Variants in SLC37A2 observed in about 807,000 individuals in gnomAD.
SLC37A2 encodes the protein solute carrier family 37 member 2, also known as glucose-6-phosphate exchanger SLC37A2.
A neutral mutation model predicts 70.7 loss-of-function variants in SLC37A2; 59 were observed. The observed-to-expected ratio is 0.83, with a 90% CI of 0.68 to 1.04. The LOEUF (loss-of-function observed/expected upper bound fraction) is 1.04. Among genes scored for constraint, SLC37A2 ranks in the 50% least tolerant of loss-of-function variants. SLC37A2 has a pLI of 0.00. For synonymous variants in SLC37A2, 257 were observed against 262.1 expected, an observed-to-expected ratio of 0.98 and a Z score of 0.19; for missense variants, 580 against 658.1, an observed-to-expected ratio of 0.88 and a Z score of 1.30.
intron 12 of SLC37A2, 40 bp downstream of exon 12, chr11:125,084,359 G>A (rs769699270): frequency 3.2e-5 from 51 of 1,602,682 alleles, no homozygotes; most frequent in Middle Eastern, 1.7e-4. Flanking sequence ...ATGCATGTGA[G>A]CAGGAGCCTG....
At chr11:125,065,667 G>A (rs114250605) in intron 1 of SLC37A2, among the ~76,000 whole-genome samples, 4,304 of 152,154 alleles carry the variant, frequency 0.028, 202 homozygotes, top group African/African-American at 0.098. Flanking sequence ...GAGGCTGGTT[G>A]TATCTGATTA....
chr11:125,071,194 C>G (rs1949026214), intron 1 of SLC37A2, among the ~76,000 whole-genome samples: 1 of 152,130 alleles, frequency 6.6e-6, no homozygotes, highest in African/African-American at 2.4e-5. Context: ...GGTCTTGTCC[C>G]CTGGACGCTT....
intron 1 of SLC37A2, among the ~76,000 whole-genome samples, chr11:125,065,521 A>C (rs916716608): frequency 1.3e-5 from 2 of 152,208 alleles, no homozygotes; most frequent in African/African-American, 4.8e-5. Flanking sequence ...CAGGGTCCCC[A>C]TAATATCCTA....
chr11:125,086,302 G>A, intron 17 of SLC37A2: 3 of 1,423,944 alleles, frequency 2.1e-6, no homozygotes, highest in Non-Finnish European at 3.0e-6. Flanking sequence ...TGCCATTTGA[G>A]TGGGGGCTGC....
chr11:125,084,322 G>A lies in SLC37A2; in HGVS notation c.1125+3G>A. ...TGCTCATCTTGGCTGCCCCCATGGT[G>A]CGTATAACCCCGAGGGTGAAGTGCG... On this transcript the variant is annotated splice_donor_region_variant and intron_variant, in intron 12 of 17. Coordinates refer to ENST00000403796, the MANE Select transcript of SLC37A2 (RefSeq NM_001145290.2). 1 of 1,614,216 alleles carries A rather than the reference G, an allele frequency of 6.2e-7. No homozygotes were observed. The highest frequency in any genetic ancestry group is 8.5e-7 in the Non-Finnish European group (1 of 1,180,016).
rs1434665648 is a variant in SLC37A2, at chr11:125,085,415, G to A, written c.1269G>A (p.Lys423=). 7 of 1,613,920 alleles carry A rather than the reference G, an allele frequency of 4.3e-6. No homozygotes were observed. In the Admixed American group the frequency reaches 5.0e-5, roughly 12 times the overall value. The part of the protein sequence containing the change: ...SADLGTHKSL[K]GNAKALSTVT... The stretch of plus-strand genomic sequence containing the variant: ...TCCAGGGGACTCACAAGAGCCTGAA[G>A]GGCAACGCCAAAGCCCTGTCCACGG... Residue 423 remains lysine, a synonymous_variant, in exon 15 of 18, where the codon AAG becomes AAA. Coordinates refer to ENST00000403796, the MANE Select transcript of SLC37A2 (RefSeq NM_001145290.2).
chr11:125,064,894 T>C (rs891912760), intron 1 of SLC37A2, among the ~76,000 whole-genome samples: 6 of 152,210 alleles, frequency 3.9e-5, no homozygotes, highest in Admixed American at 3.3e-4. Flanking sequence ...AATGTGAACA[T>C]ACTTAATGCC....
In SLC37A2 at chr11:125,083,608, G is replaced by C. The variant is rs1949172422; in HGVS notation, c.977-207G>C. On this transcript the variant is annotated intron_variant, in intron 10 of 17. Coordinates refer to ENST00000403796, the MANE Select transcript of SLC37A2 (RefSeq NM_001145290.2). The surrounding 1 kb of genome is among the most constrained non-coding windows in gnomAD (Gnocchi z 4.6). ...GAAGGTCATCCTGCAGGGGAAGAGG[G>C]CAACACAGGACGGGACCAAGAGGGC... 6.6e-6 allele frequency among the ~76,000 whole-genome samples: 1 copy of C among 152,132 alleles called. No homozygotes were observed. Among genetic ancestry groups the C allele is most frequent in the Non-Finnish European group, 1.5e-5 (1 of 68,010 alleles).
At chr11:125,078,483 A>G (rs1949113366) in intron 4 of SLC37A2, among the ~76,000 whole-genome samples, 1 of 152,112 alleles carries the variant, frequency 6.6e-6, no homozygotes, top group African/African-American at 2.4e-5. Context: ...GAAAGAGGCT[A>G]TGTACTGGAG....
At chr11:125,069,591 C>A (rs974306422) in intron 1 of SLC37A2, among the ~76,000 whole-genome samples, 1 of 152,202 alleles carries the variant, frequency 6.6e-6, no homozygotes, top group Non-Finnish European at 1.5e-5. Context: ...AGAAGGAAGT[C>A]TTTGACTTGG....
rs369566391 is a variant in SLC37A2, at chr11:125,081,365, C to T, written c.695-56C>T. 42 of 1,334,224 alleles carry T rather than the reference C, an allele frequency of 3.1e-5. No individual in the cohort carries two copies. In the African/African-American group the frequency reaches 5.1e-4, roughly 16 times the overall value. The allele number at this position is 1,334,224 out of a possible 1,614,324, so 82.6% of individuals were successfully genotyped here. A position where few individuals can be genotyped will look rare whatever the true frequency, so the allele number is the denominator to read the frequency against. ...CAAGGTGAGGGCCTGGCAATCACCT[C>T]GGGATTGGGGGGGCGGGGGTTGGGA... is the stretch of plus-strand genomic sequence containing the variant. On this transcript the variant is annotated intron_variant, in intron 7 of 17. Transcript: ENST00000403796.
At chr11:125,073,636 C>T (rs1035443238) in intron 1 of SLC37A2, among the ~76,000 whole-genome samples, 5 of 152,248 alleles carry the variant, frequency 3.3e-5, no homozygotes, top group Admixed American at 2.0e-4. Flanking sequence ...AGGTGATAGA[C>T]TCTGCTTTTC....
chr11:125,076,576 T>C (rs1168250554), intron 1 of SLC37A2, among the ~76,000 whole-genome samples, 181 bp from the exon 2 acceptor site: 1 of 152,178 alleles, frequency 6.6e-6, no homozygotes, highest in Non-Finnish European at 1.5e-5. Flanking sequence ...CAGGTCCCTC[T>C]GAGCACCCTG....
At position 125,081,811 on chromosome 11, in the gene SLC37A2, A is replaced by C. The variant is rs749703406; in HGVS notation, c.790A>C (p.Ile264Leu). ...GGACCCTGGGAACAGTCCCTGCTCT[A>C]TCAGGGAGAGCGGCCTTGAGACTGT... ...PEDPGNSPCSIRESGLETVAK... is the reference protein window; with the variant it reads ...PEDPGNSPCSLRESGLETVAK... The change falls in exon 9 of 18, where the codon ATC (isoleucine) becomes CTC (leucine). Residue 264 changes from isoleucine (I) to leucine (L), a missense_variant. Coordinates refer to ENST00000403796, the MANE Select transcript of SLC37A2 (RefSeq NM_001145290.2). 1.4e-5 allele frequency: 23 copies of C among 1,613,992 alleles called. No individual in the cohort carries two copies. The highest frequency in any genetic ancestry group is 1.9e-5 in the Non-Finnish European group (22 of 1,179,894).
In SLC37A2 at chr11:125,078,899, C is replaced by T. The variant is rs118138358; in HGVS notation, c.315-213C>T. Among the ~76,000 whole-genome samples, 906 of 151,654 alleles carry T rather than the reference C, an allele frequency of 6.0e-3. 17 individuals carry two copies. The highest frequency in any genetic ancestry group is 0.033 in the East Asian group (171 of 5,118). Reference sequence around the variant, plus strand: ...CGCACGACACGAGGGGCCGGCCAAGCGGAGGAAGATGGGAAAGCTAAATTC... The same window carrying T: ...CGCACGACACGAGGGGCCGGCCAAGTGGAGGAAGATGGGAAAGCTAAATTC... On this transcript the variant is annotated intron_variant, in intron 4 of 17. Coordinates refer to ENST00000403796, the MANE Select transcript of SLC37A2 (RefSeq NM_001145290.2).
chr11:125,076,828 G>C lies in SLC37A2; in HGVS notation c.131G>C (p.Ser44Thr), dbSNP rs779180483. 4 of 1,614,146 alleles carry C rather than the reference G, an allele frequency of 2.5e-6. No homozygotes were observed. The highest frequency in any genetic ancestry group is 1.1e-5 in the South Asian group (1 of 91,086). Residue 44 changes from serine to threonine, a missense_variant, in exon 2 of 18, where the codon AGT (serine) becomes ACT (threonine). By Grantham distance (58) the Ser-to-Thr change is moderately conservative (BLOSUM62 1). Transcript: ENST00000403796. The stretch of plus-strand genomic sequence containing the variant: ...TATCACATGTCCAGGAAGCCTATCA[G>C]TATCGTCAAGGTGAGGCTGGCTGGC... The part of the protein sequence containing the change: ...ACYHMSRKPI[S>T]IVKSRLHQNC...
At chr11:125,075,814 G>A (rs762013403) in intron 1 of SLC37A2, among the ~76,000 whole-genome samples, 2 of 152,204 alleles carry the variant, frequency 1.3e-5, no homozygotes, top group Non-Finnish European at 2.9e-5. Context: ...CTTGGAGCCA[G>A]GACAGAAAGG....
Position 125,084,649 on chromosome 11 carries a change from G to A in SLC37A2, c.1126-176G>A, listed in dbSNP as rs113393656. 7.6e-3 allele frequency among the ~76,000 whole-genome samples: 1,158 copies of A among 152,330 alleles called. 7 individuals are homozygous for A. The highest frequency in any genetic ancestry group is 0.012 in the Non-Finnish European group (783 of 68,030). On this transcript the variant is annotated intron_variant, in intron 12 of 17. Transcript: ENST00000403796. Reference sequence around the variant, plus strand: ...AGAAAGGGAGATGATAGAGTACCACGTTTTAGACCGTCCATCCCTGGGACA... The same window carrying A: ...AGAAAGGGAGATGATAGAGTACCACATTTTAGACCGTCCATCCCTGGGACA...
In SLC37A2 at chr11:125,082,314, C is replaced by T; in HGVS notation, c.956C>T (p.Pro319Leu). 1 of 1,613,900 alleles carries T rather than the reference C, an allele frequency of 6.2e-7. No individual in the cohort carries two copies. The highest frequency in any genetic ancestry group is 8.5e-7 in the Non-Finnish European group (1 of 1,179,912). Residue 319 changes from proline to leucine, a missense_variant, in exon 10 of 18, where the codon CCC becomes CTC. Coordinates refer to ENST00000403796, the MANE Select transcript of SLC37A2 (RefSeq NM_001145290.2). ...LVSYTFLYWL[P>L]LYIANVAHFS... ...AGTTACACCTTCCTCTACTGGCTGC[C>T]CCTCTACATCGCCAATGTGGGTAAG...
Sources: allele counts gnomAD v4.1 joint callset (sites outside exome capture counted in the v4.1 genomes callset), GRCh38; gene constraint gnomAD v4.1.1; non-coding constraint Gnocchi (gnomAD v3.1); transcripts MANE v1.5; gene names NCBI Gene and HGNC (gene_info 2026-07-23, HGNC 2026-07-21).